The following HPSE variants were observed in gnomAD, a reference collection of about 807,000 sequenced individuals.
HPSE encodes heparanase.
HPSE carries 48 observed loss-of-function variants against 65.1 expected under a neutral mutation model. That is an observed-to-expected ratio of 0.74 (90% CI 0.58 to 0.94). The LOEUF (loss-of-function observed/expected upper bound fraction) is 0.94. Ranked by LOEUF, HPSE falls within the 40% of genes least tolerant of loss-of-function variation. The pLI, the probability that HPSE is intolerant of heterozygous loss-of-function variation, is 0.00. For synonymous variants in HPSE, 243 were observed against 260.0 expected (o/e 0.93, Z 0.63); for missense variants, 644 against 637.5 (o/e 1.01, Z -0.11).
At chr4:83,323,927 C>T (rs187619867) in intron 1 of HPSE, among the ~76,000 whole-genome samples, 1 of 152,186 alleles carries the variant, frequency 6.6e-6, no homozygotes, top group East Asian at 1.9e-4. Flanking sequence ...AAGAGAAACA[C>T]CTGTCATACA....
intron 3 of HPSE, 95 bp downstream of exon 3, chr4:83,319,249 C>T: frequency 8.0e-7 from 1 of 1,254,494 alleles, no homozygotes; most frequent in Non-Finnish European, 1.1e-6. Flanking sequence ...CAGCTTTATA[C>T]AACTTCCGTA....
Position 83,295,240 on chromosome 4 carries a change from C to T in HPSE, c.*104G>A. 1 of 917,108 alleles carries T rather than the reference C, an allele frequency of 1.1e-6. No individual in the cohort carries two copies. The highest frequency in any genetic ancestry group is 1.7e-6 in the Non-Finnish European group (1 of 602,172). The allele number at this position is 917,108 out of a possible 1,614,324, so 56.8% of individuals were successfully genotyped here. A position where few individuals can be genotyped will look rare whatever the true frequency, so the allele number is the denominator to read the frequency against. ...CAGTGTCCCAGTGTCTCTCAAGCAC[C>T]CACTAGTTGCTTTGCAAGGTATCTG... On this transcript the variant is annotated 3_prime_UTR_variant, in exon 12 of 12. Transcript: ENST00000311412.
At chr4:83,302,032 A>T (rs1296692402) in intron 10 of HPSE, 118 bp downstream of exon 10, 3 of 553,478 alleles carry the variant, frequency 5.4e-6, no homozygotes, top group Non-Finnish European at 9.8e-6. Flanking sequence ...AAACTTTACT[A>T]AATTGCAACT....
Position 83,310,573 on chromosome 4 carries a change from G to A in HPSE, c.842+149C>T, listed in dbSNP as rs369496444. On this transcript the variant is annotated intron_variant, in intron 5 of 11. Coordinates refer to ENST00000311412, the MANE Select transcript of HPSE (RefSeq NM_001098540.3). Reference sequence around the variant, plus strand: ...TGTAGTCCCAGCTATTTGTGGGACTGAGATGGGAGGATTGCTTGAGCCTGG... The same window carrying A: ...TGTAGTCCCAGCTATTTGTGGGACTAAGATGGGAGGATTGCTTGAGCCTGG... 34 of 716,262 alleles carry A rather than the reference G, an allele frequency of 4.7e-5. No homozygotes were observed. The Middle Eastern group carries it at 1.3e-3, about 27-fold the overall frequency. The allele number at this position is 716,262 out of a possible 1,614,324, so 44.4% of individuals were successfully genotyped here.
Position 83,295,432 on chromosome 4 carries a change from G to C in HPSE, c.1544C>G (p.Pro515Arg). 6.2e-7 allele frequency: 1 copy of C among 1,613,326 alleles called. No individual in the cohort carries two copies. Among genetic ancestry groups the C allele is most frequent in the East Asian group, 2.2e-5 (1 of 44,866 alleles). ...GCCCAGTGAACTTCCTGGCCGGAGA[G>C]GTTTTTCCATTAAAGGTGGCAAGGT... ...DQTLPPLMEKPLRPGSSLGLP... is the reference protein window; with the variant it reads ...DQTLPPLMEKRLRPGSSLGLP... Residue 515 changes from proline (P) to arginine (R), a missense_variant, in exon 12 of 12, where the codon CCT becomes CGT. Pro to Arg is a moderately radical substitution (Grantham distance 103). Transcript: ENST00000311412.
chr4:83,298,926 A>C (rs2126182161), intron 11 of HPSE, among the ~76,000 whole-genome samples: 1 of 152,206 alleles, frequency 6.6e-6, no homozygotes, highest in East Asian at 1.9e-4. Context: ...GTGCACTCAA[A>C]AACTTATCTA....
intron 2 of HPSE, among the ~76,000 whole-genome samples, chr4:83,320,432 G>A (rs1736843424): frequency 6.6e-6 from 1 of 152,156 alleles, no homozygotes; most frequent in Non-Finnish European, 1.5e-5. Context: ...TGGGCGTGGT[G>A]GTGTGTGCCT....
chr4:83,312,485 G>A (rs1291583022), intron 4 of HPSE, among the ~76,000 whole-genome samples: 1 of 151,824 alleles, frequency 6.6e-6, no homozygotes, highest in Non-Finnish European at 1.5e-5. Context: ...AGACCATCCT[G>A]GCTAACACGG....
chr4:83,334,464 G>T, intron 1 of HPSE, 92 bp downstream of exon 1: 1 of 1,395,318 alleles, frequency 7.2e-7, no homozygotes, highest in Non-Finnish European at 9.6e-7. Context: ...GTGTGAAGTT[G>T]TTTCCGCGCA....
At chr4:83,332,341 G>A (rs1737405610) in intron 1 of HPSE, among the ~76,000 whole-genome samples, 1 of 152,260 alleles carries the variant, frequency 6.6e-6, no homozygotes, top group African/African-American at 2.4e-5. Flanking sequence ...TAGATGAGGA[G>A]AGGGGGTTCC....
At chr4:83,320,334 G>A (rs1736838197) in intron 2 of HPSE, among the ~76,000 whole-genome samples, 2 of 152,158 alleles carry the variant, frequency 1.3e-5, no homozygotes, top group Non-Finnish European at 2.9e-5. Context: ...GGAGGCCAAG[G>A]CAGATGGATA....
Position 83,334,845 on chromosome 4 carries a change from C to A in HPSE, c.-63G>T. ...CGCAGCGGAGAGTCGAGAGCTCTAG[C>A]ACTTCCTCCCGCCGAGCCCCAGCGC... On this transcript the variant is annotated 5_prime_UTR_variant, in exon 1 of 12. Transcript: ENST00000311412. The A allele has an allele frequency of 6.9e-7, 1 of 1,445,064 alleles. No homozygotes were observed. Among genetic ancestry groups the A allele is most frequent in the Non-Finnish European group, 9.1e-7 (1 of 1,103,018 alleles). 89.5% of individuals were successfully genotyped at this position (1,445,064 alleles called of 1,614,324 possible). A position where few individuals can be genotyped will look rare whatever the true frequency, so the allele number is the denominator to read the frequency against.
intron 3 of HPSE, among the ~76,000 whole-genome samples, chr4:83,318,502 T>C (rs6535465): frequency 0.8 from 120,545 of 151,590 alleles, 48,070 homozygotes; most frequent in East Asian, 0.87. Flanking sequence ...GTCGTGATGG[T>C]AGGCACCTGT....
Position 83,309,255 on chromosome 4 carries a change from G to C in HPSE, c.984+147C>G, listed in dbSNP as rs908939725. 12 of 614,210 alleles carry C rather than the reference G, an allele frequency of 2.0e-5. No homozygotes were observed. The African/African-American group carries it at 2.3e-4, about 12-fold the overall frequency. The allele number at this position is 614,210 out of a possible 1,614,324, so 38.0% of individuals were successfully genotyped here. A position where few individuals can be genotyped will look rare whatever the true frequency, so the allele number is the denominator to read the frequency against. On this transcript the variant is annotated intron_variant, in intron 7 of 11. Transcript: ENST00000311412. ...TACATGGGGTAAGACCCAATGCTAA[G>C]GGGAAAACTAACAGTGGATAAGTCA...
chr4:83,333,207 G>A (rs974965219), intron 1 of HPSE, among the ~76,000 whole-genome samples: 2 of 152,198 alleles, frequency 1.3e-5, no homozygotes, highest in African/African-American at 2.4e-5. Flanking sequence ...CGTTTGAAAC[G>A]TCAAACACTT....
chr4:83,309,531 C>T (rs1736285440), intron 6 of HPSE, 36 bp from the exon 7 acceptor site: 1 of 1,155,388 alleles, frequency 8.7e-7, no homozygotes, highest in South Asian at 1.3e-5. Context: ...AAAAAAATAA[C>T]AAATTTTACT....
At chr4:83,334,132 G>C (rs1737513636) in intron 1 of HPSE, among the ~76,000 whole-genome samples, 3 of 152,166 alleles carry the variant, frequency 2.0e-5, no homozygotes. Flanking sequence ...CTCATTTAGA[G>C]TGGGCGCTAA....
At position 83,309,476 on chromosome 4, in the gene HPSE, T is replaced by G; in HGVS notation, c.910A>C (p.Thr304Pro). Residue 304 changes from threonine (T) to proline (P), a missense_variant, in exon 7 of 12, where the codon ACT (threonine) becomes CCT (proline). Thr to Pro is a conservative substitution (Grantham distance 38, BLOSUM62 -1). Transcript: ENST00000311412. ...TWHHYYLNGR[T>P]ATKEDFLNPD... ...TTTAGAAAATCTTCCTTGGTAGCAG[T>G]CCGTCCATTCAAATAGTAGCTAAAT... 6.5e-7 allele frequency: 1 copy of G among 1,547,082 alleles called. No homozygotes were observed. The highest frequency in any genetic ancestry group is 8.9e-7 in the Non-Finnish European group (1 of 1,127,388).
At chr4:83,308,997 TG>T (rs775287544) in intron 7 of HPSE, 46 bp from the exon 8 acceptor site, 1 of 1,503,664 alleles carries the variant, frequency 6.7e-7, no homozygotes, top group South Asian at 1.1e-5. Flanking sequence ...AAAGCTGACC[TG>T]TGGTTTCAAC....
Sources: gnomAD v4.1 joint callset for allele counts (sites outside exome capture counted in the v4.1 genomes callset) on GRCh38, gnomAD v4.1.1 for gene constraint, MANE v1.5 for transcripts, NCBI Gene and HGNC (gene_info 2026-07-23, HGNC 2026-07-21) for gene names.